Variants in CDK13 observed in about 807,000 individuals in gnomAD.
The protein encoded by CDK13 is cyclin-dependent kinase 13.
A neutral mutation model predicts 137.6 loss-of-function variants in CDK13; 40 were observed. That is an observed-to-expected ratio of 0.29 (90% CI 0.23 to 0.38). The LOEUF is 0.38. Ranked by LOEUF, CDK13 falls within the 10% of genes least tolerant of loss-of-function variation. CDK13 has a pLI of 1.00. For synonymous variants in CDK13, 869 were observed against 760.1 expected, an observed-to-expected ratio of 1.14 and a Z score of -2.36; for missense variants, 1,704 against 1,951.8, an observed-to-expected ratio of 0.87 and a Z score of 2.39.
chr7:40,025,115 A>G (rs1240202329), intron 5 of CDK13, among the ~76,000 whole-genome samples: 2 of 152,152 alleles, frequency 1.3e-5, no homozygotes, highest in African/African-American at 2.4e-5. Context: ...CCTGATCCCT[A>G]TCAGCCTGCT....
At chr7:40,027,896 C>T (rs1416024331) in intron 5 of CDK13, among the ~76,000 whole-genome samples, 1 of 151,922 alleles carries the variant, frequency 6.6e-6, no homozygotes, top group Non-Finnish European at 1.5e-5. Flanking sequence ...GAGAATAGAG[C>T]AAGCACTGAG....
At chr7:40,088,079 T>G in intron 11 of CDK13, 47 bp from the exon 12 acceptor site, 1 of 1,532,508 alleles carries the variant, frequency 6.5e-7, no homozygotes, top group South Asian at 1.2e-5. Context: ...TGTAGCATTT[T>G]TTGTTAAGAA....
chr7:39,967,648 T>C (rs1783901269), intron 1 of CDK13, among the ~76,000 whole-genome samples: 1 of 152,172 alleles, frequency 6.6e-6, no homozygotes, highest in Non-Finnish European at 1.5e-5. Flanking sequence ...TTTTTACTTT[T>C]TTGAGGAACC....
intron 2 of CDK13, among the ~76,000 whole-genome samples, chr7:39,990,326 C>T (rs867534658): frequency 1.1e-4 from 16 of 151,634 alleles, no homozygotes; most frequent in Admixed American, 3.9e-4. Context: ...TTAATGGATA[C>T]GGAAGTTTCT....
rs3801237 is a variant in CDK13 at position 40,094,538 on chromosome 7, G to A, written c.4097G>A (p.Arg1366His). ...GSSSAPPLER[R>H]SFIGNSDIQS... is the part of the protein sequence containing the mutation. ...AGTTCTGCTCCACCACTAGAACGAC[G>A]TAGTTTCATTGGAAATTCAGATATT... The change falls in exon 14 of 14, where the codon CGT (arginine) becomes CAT (histidine). Residue 1366 changes from arginine (R) to histidine (H), a missense_variant. Coordinates refer to ENST00000181839, the MANE Select transcript of CDK13 (RefSeq NM_003718.5). The A allele has an allele frequency of 1.5e-4, 249 of 1,611,718 alleles. 2 individuals are homozygous for A. The East Asian group carries it at 5.2e-3, about 34-fold the overall frequency.
chr7:40,078,522 AAATG>A (rs751848915), intron 10 of CDK13, 194 bp from the exon 11 acceptor site: 3 of 290,286 alleles, frequency 1.0e-5, no homozygotes, highest in African/African-American at 2.2e-5. Context: ...AATTATGTAA[AAATG>A]AAATATTTAT....
chr7:39,965,601 C>T (rs1310103186), intron 1 of CDK13, among the ~76,000 whole-genome samples: 1 of 152,138 alleles, frequency 6.6e-6, no homozygotes, highest in African/African-American at 2.4e-5. Context: ...TTAATTGGAG[C>T]ATTTAGCCCA....
chr7:40,014,781 T>C (rs1306864424), intron 5 of CDK13, among the ~76,000 whole-genome samples: 1 of 152,150 alleles, frequency 6.6e-6, no homozygotes, highest in Admixed American at 6.6e-5. Context: ...AACCATACAT[T>C]TTCATGTTTA....
intron 1 of CDK13, among the ~76,000 whole-genome samples, chr7:39,975,944 A>C (rs189233103): frequency 8.5e-5 from 13 of 152,216 alleles, no homozygotes; most frequent in Non-Finnish European, 4.4e-5. Context: ...GCCAACCTGT[A>C]ACAAGTACTG....
At chr7:40,081,601 G>A (rs1000791688) in intron 11 of CDK13, among the ~76,000 whole-genome samples, 20 of 152,182 alleles carry the variant, frequency 1.3e-4, no homozygotes, top group Middle Eastern at 3.4e-3. Context: ...TATATAAATG[G>A]AAATTAAATT....
intron 1 of CDK13, among the ~76,000 whole-genome samples, chr7:39,964,814 G>C (rs1355074500): frequency 6.6e-6 from 1 of 151,962 alleles, no homozygotes; most frequent in African/African-American, 2.4e-5. Flanking sequence ...AGAGATTCTG[G>C]TATGTTGTGT....
At chr7:40,083,282 G>C (rs899022165) in intron 11 of CDK13, among the ~76,000 whole-genome samples, 1 of 146,100 alleles carries the variant, frequency 6.8e-6, no homozygotes, top group African/African-American at 2.5e-5. Flanking sequence ...ACCTACCTGG[G>C]TAACATAAGG....
At chr7:40,073,426 G>T (rs947988386) in intron 9 of CDK13, among the ~76,000 whole-genome samples, 1 of 152,088 alleles carries the variant, frequency 6.6e-6, no homozygotes, top group African/African-American at 2.4e-5. Context: ...GATTGCTGGA[G>T]TCCAGTAGGT....
intron 5 of CDK13, among the ~76,000 whole-genome samples, chr7:40,004,986 C>T (rs1397507276): frequency 6.6e-6 from 1 of 152,010 alleles, no homozygotes; most frequent in African/African-American, 2.4e-5. Context: ...ACCAGCCTGG[C>T]CAACATGGTG....
intron 1 of CDK13, among the ~76,000 whole-genome samples, chr7:39,974,708 T>G (rs1784070464): frequency 6.6e-6 from 1 of 151,916 alleles, no homozygotes; most frequent in African/African-American, 2.4e-5. Context: ...GGATTACAGG[T>G]GAGTGCCACC....
intron 5 of CDK13, among the ~76,000 whole-genome samples, chr7:40,038,882 A>G (rs183256018): frequency 6.6e-6 from 1 of 152,030 alleles, no homozygotes; most frequent in East Asian, 2.0e-4. Flanking sequence ...TTTAGCAGAA[A>G]CGGGGTTTCT....
intron 1 of CDK13, among the ~76,000 whole-genome samples, chr7:39,961,789 C>T (rs968244475): frequency 1.3e-5 from 2 of 152,124 alleles, no homozygotes; most frequent in Admixed American, 1.3e-4. Flanking sequence ...CTCCTCCCTC[C>T]CCCTACCCCA....
At chr7:40,049,869 A>G (rs1052755630) in intron 7 of CDK13, among the ~76,000 whole-genome samples, 1 of 152,170 alleles carries the variant, frequency 6.6e-6, no homozygotes, top group African/African-American at 2.4e-5. Flanking sequence ...TCCACTTAAC[A>G]CAATGCGCTT....
chr7:40,050,383 T>G (rs1357169137), intron 7 of CDK13, among the ~76,000 whole-genome samples: 1 of 152,062 alleles, frequency 6.6e-6, no homozygotes, highest in Non-Finnish European at 1.5e-5. Context: ...CTTCTGCTGT[T>G]TAAGAAGCAT....
Sources: gnomAD v4.1 joint callset for allele counts (sites outside exome capture counted in the v4.1 genomes callset) on GRCh38, gnomAD v4.1.1 for gene constraint, MANE v1.5 for transcripts, NCBI Gene and HGNC (gene_info 2026-07-23, HGNC 2026-07-21) for gene names.